MSRA: variants seen among roughly 807,000 people sequenced by gnomAD.
MSRA encodes the protein methionine sulfoxide reductase A.
A neutral mutation model predicts 31.3 loss-of-function variants in MSRA; 54 were observed. The observed-to-expected ratio is 1.73, with a 90% CI of 1.39 to 2.17. MSRA has a LOEUF of 2.17. MSRA is among the 30% of genes most tolerant of loss of function. The probability of loss-of-function intolerance (pLI) is 0.00; values close to 1 mark genes in which losing one functional copy is unlikely to be tolerated. For synonymous variants in MSRA, 169 were observed against 116.5 expected (o/e 1.45, Z -2.90); for missense variants, 507 against 300.9 (o/e 1.69, Z -5.07).
At chr8:10,065,120 C>T (rs1030941261) in intron 1 of MSRA, among the ~76,000 whole-genome samples, 2 of 152,088 alleles carry the variant, frequency 1.3e-5, no homozygotes, top group Non-Finnish European at 2.9e-5. Context: ...GCAGGGACTT[C>T]TGCTGGTCCC....
At chr8:10,065,719 C>T (rs1416541566) in intron 1 of MSRA, among the ~76,000 whole-genome samples, 1 of 152,184 alleles carries the variant, frequency 6.6e-6, no homozygotes, top group African/African-American at 2.4e-5. Flanking sequence ...CTTCATTTTG[C>T]GTGTACATTT....
chr8:10,326,693 T>G (rs1005839394), intron 5 of MSRA: 1 of 152,096 alleles, frequency 6.6e-6, no homozygotes, highest in Admixed American at 6.5e-5. Flanking sequence ...CTTAGCCTCA[T>G]TAAAAAAAAA....
At chr8:10,127,872 C>T (rs1015109075) in intron 1 of MSRA, among the ~76,000 whole-genome samples, 33 of 151,758 alleles carry the variant, frequency 2.2e-4, no homozygotes, top group African/African-American at 7.7e-4. Context: ...TTTTTCAGAC[C>T]TCCAGGAAGA....
At chr8:10,138,005 A>C (rs12547884) in intron 1 of MSRA, among the ~76,000 whole-genome samples, 2 of 152,096 alleles carry the variant, frequency 1.3e-5, no homozygotes, top group African/African-American at 4.8e-5. Flanking sequence ...CAGGTAATGC[A>C]TAAGGCAGCA....
intron 1 of MSRA, among the ~76,000 whole-genome samples, chr8:10,169,195 C>T (rs1306632535): frequency 2.0e-5 from 3 of 152,214 alleles, no homozygotes; most frequent in African/African-American, 4.8e-5. Context: ...GGTACTCCCT[C>T]ACCCCTTCAT....
intron 3 of MSRA, among the ~76,000 whole-genome samples, chr8:10,256,907 G>T (rs1049692399): frequency 7.9e-5 from 12 of 152,194 alleles, no homozygotes; most frequent in Admixed American, 1.3e-4. Flanking sequence ...GGCTACCAAG[G>T]TGGGTCCAGA....
chr8:10,347,574 C>T (rs912159845), intron 5 of MSRA, among the ~76,000 whole-genome samples: 2 of 152,188 alleles, frequency 1.3e-5, no homozygotes, highest in Admixed American at 6.5e-5. Context: ...CTGACCTCAG[C>T]CTGCCGCCTG....
intron 1 of MSRA, among the ~76,000 whole-genome samples, chr8:10,084,842 G>A (rs1043547810): frequency 1.3e-5 from 2 of 152,024 alleles, no homozygotes; most frequent in Non-Finnish European, 2.9e-5. Context: ...ACTTGCTATC[G>A]TCTTTTTTAA....
In MSRA at chr8:10,301,535, A is replaced by C. The variant is rs1189748750; in HGVS notation, c.333A>C (p.Glu111Asp). ...GTTGTACGTTTTGTTTTTTCCAAGA[A>C]AAAACTGGCCATGCAGAAGTCGTCC... ...SNPTYKEVCS[E>D]KTGHAEVVRV... Residue 111 changes from glutamate (E) to aspartate (D), a missense_variant and splice_region_variant, in exon 4 of 6, where the codon GAA becomes GAC. Coordinates refer to ENST00000317173, the MANE Select transcript of MSRA (RefSeq NM_012331.5). The C allele has an allele frequency of 6.2e-7, 1 of 1,609,856 alleles. No individual in the cohort carries two copies. The highest frequency in any genetic ancestry group is 1.3e-5 in the African/African-American group (1 of 74,702).
intron 5 of MSRA, among the ~76,000 whole-genome samples, chr8:10,416,429 C>G (rs756964770): frequency 6.6e-6 from 1 of 152,240 alleles, no homozygotes; most frequent in East Asian, 1.9e-4. Context: ...TCCATCGGGC[C>G]GTGGTGCTCC....
At chr8:10,275,055 A>G (rs6984840) in intron 3 of MSRA, among the ~76,000 whole-genome samples, 83,011 of 151,350 alleles carry the variant, frequency 0.55, 23,194 homozygotes, top group Non-Finnish European at 0.62. Context: ...TGACGTGCAA[A>G]TGCATTATTT....
chr8:10,112,634 C>T (rs947149789), intron 1 of MSRA, among the ~76,000 whole-genome samples: 2 of 152,220 alleles, frequency 1.3e-5, no homozygotes. Context: ...GCTAAGCTCC[C>T]TGTCTTGTAA....
intron 1 of MSRA, among the ~76,000 whole-genome samples, chr8:10,077,227 G>A (rs1798036891): frequency 1.3e-5 from 2 of 152,178 alleles, no homozygotes; most frequent in African/African-American, 2.4e-5. Context: ...GATGGGCAAA[G>A]AGAGGGAGGG....
intron 1 of MSRA, among the ~76,000 whole-genome samples, chr8:10,151,268 A>T (rs75693680): frequency 4.2e-4 from 46 of 109,162 alleles, no homozygotes; most frequent in East Asian, 2.6e-3. Context: ...TCTCAAAAAA[A>T]AAAAAAAAAA....
chr8:10,186,500 C>T (rs1398464282), intron 1 of MSRA, among the ~76,000 whole-genome samples: 2 of 152,090 alleles, frequency 1.3e-5, no homozygotes, highest in African/African-American at 4.8e-5. Flanking sequence ...ATATGAAAAC[C>T]ACTCTTAGCT....
At chr8:10,094,554 T>C (rs1184304103) in intron 1 of MSRA, among the ~76,000 whole-genome samples, 1 of 152,238 alleles carries the variant, frequency 6.6e-6, no homozygotes, top group African/African-American at 2.4e-5. Flanking sequence ...TTAGATAGAT[T>C]AGCAATTTGA....
chr8:10,250,741 C>G (rs1186613850), intron 3 of MSRA: 2 of 462,718 alleles, frequency 4.3e-6, no homozygotes, highest in East Asian at 3.5e-5. Context: ...AAAATATTTA[C>G]TGTCAGGTGC....
intron 1 of MSRA, among the ~76,000 whole-genome samples, chr8:10,113,299 T>TTTTTTTTTTTTTTTTTTTTTTTTTTTG (rs1800433213): frequency 9.3e-6 from 1 of 106,976 alleles, no homozygotes; most frequent in Admixed American, 9.2e-5. Flanking sequence ...CTTCTTTTTT[T>TTTTTTTTTTTTTTTTTTTTTTTTTTTG]TTTTTTTTTT....
At chr8:10,341,759 C>T (rs7013725) in intron 5 of MSRA, among the ~76,000 whole-genome samples, 1 of 152,142 alleles carries the variant, frequency 6.6e-6, no homozygotes, top group East Asian at 1.9e-4. Context: ...AGTGAGATGA[C>T]ATGTGCCAAG....
Sources: gnomAD v4.1 joint callset for allele counts (sites outside exome capture counted in the v4.1 genomes callset) on GRCh38, gnomAD v4.1.1 for gene constraint, MANE v1.5 for transcripts, NCBI Gene and HGNC (gene_info 2026-07-23, HGNC 2026-07-21) for gene names.